SLC25A26: variants seen among roughly 807,000 people sequenced by gnomAD.
SLC25A26 encodes the protein mitochondrial S-adenosylmethionine carrier protein.
Under a neutral mutation model 37.8 loss-of-function variants are expected in SLC25A26, and 36 were observed. The ratio of observed to expected loss-of-function variants is 0.95; its 90% CI spans 0.73 to 1.26. SLC25A26 has a LOEUF of 1.26. Ranked by LOEUF, SLC25A26 falls within the 50% of genes most tolerant of loss-of-function variation. The pLI, the probability that SLC25A26 is intolerant of heterozygous loss-of-function variation, is 0.00. For synonymous variants in SLC25A26, 129 were observed against 122.5 expected, an observed-to-expected ratio of 1.05 and a Z score of -0.35; for missense variants, 390 against 331.1, an observed-to-expected ratio of 1.18 and a Z score of -1.38.
chr3:66,261,589 G>C (rs1390898041), intron 3 of SLC25A26: 1 of 160,502 alleles, frequency 6.2e-6, no homozygotes, highest in Non-Finnish European at 1.3e-5. Context: ...AGGTCTAGGG[G>C]CTGGAGTTGG....
intron 5 of SLC25A26, among the ~76,000 whole-genome samples, chr3:66,322,486 T>TA (rs778965932): frequency 6.6e-6 from 1 of 152,352 alleles, no homozygotes; most frequent in Non-Finnish European, 1.5e-5. Flanking sequence ...CAACCACAGA[T>TA]ACACTTTTTA....
At chr3:66,375,123 C>T (rs2107869968) in intron 9 of SLC25A26, among the ~76,000 whole-genome samples, 1 of 152,304 alleles carries the variant, frequency 6.6e-6, no homozygotes, top group East Asian at 1.9e-4. Flanking sequence ...TCAGACCGGC[C>T]ACAACATCCC....
chr3:66,359,369 G>A (rs1437376877), intron 6 of SLC25A26, among the ~76,000 whole-genome samples: 1 of 152,198 alleles, frequency 6.6e-6, no homozygotes, highest in African/African-American at 2.4e-5. Context: ...CTGACACCTA[G>A]TAAGTAGTTG....
At chr3:66,212,282 AT>A (rs1257688673) in intron 1 of SLC25A26, among the ~76,000 whole-genome samples, 313 of 147,034 alleles carry the variant, frequency 2.1e-3, no homozygotes, top group African/African-American at 4.8e-3. Flanking sequence ...TGGTTAATAA[AT>A]TTTTTTTTTT....
intron 5 of SLC25A26, among the ~76,000 whole-genome samples, chr3:66,322,107 C>G (rs1292464999): frequency 2.6e-5 from 4 of 152,018 alleles, no homozygotes; most frequent in Non-Finnish European, 4.4e-5. Flanking sequence ...CAAATCATAG[C>G]AAATTTGCTT....
At chr3:66,158,868 C>G (rs553954356) in intron 1 of SLC25A26, among the ~76,000 whole-genome samples, 3 of 152,054 alleles carry the variant, frequency 2.0e-5, no homozygotes, top group Non-Finnish European at 4.4e-5. Context: ...GTTCCTGAAG[C>G]CTGCTAAGAG....
intron 1 of SLC25A26, among the ~76,000 whole-genome samples, chr3:66,225,945 A>G (rs2071726021): frequency 6.6e-6 from 1 of 152,190 alleles, no homozygotes; most frequent in African/African-American, 2.4e-5. Context: ...GGTCAAAGCC[A>G]TTCAACAAGT....
chr3:66,274,438 G>T (rs1478418754), intron 5 of SLC25A26, among the ~76,000 whole-genome samples: 1 of 151,964 alleles, frequency 6.6e-6, no homozygotes, highest in Admixed American at 6.6e-5. Context: ...CACAGCAAAA[G>T]AAACTACCAT....
At chr3:66,142,790 G>T (rs2106670571) in intron 1 of SLC25A26, among the ~76,000 whole-genome samples, 1 of 151,998 alleles carries the variant, frequency 6.6e-6, no homozygotes, top group East Asian at 1.9e-4. Flanking sequence ...TTGAGACAGG[G>T]TCTGCCTCTG....
chr3:66,368,467 G>A (rs1419812257), intron 7 of SLC25A26, among the ~76,000 whole-genome samples: 1 of 152,174 alleles, frequency 6.6e-6, no homozygotes, highest in Non-Finnish European at 1.5e-5. Flanking sequence ...TGAGAGAGAA[G>A]GTTAGGAAGG....
rs967988896 is a variant in SLC25A26, at chr3:66,270,302, G to GA, written c.453+6931dup. ...TCATCTTAGCACTTCTACTGAAAAG[G>GA]AAAAAAAATGATTCAAAATCTTTCC... On this transcript the variant is annotated intron_variant, in intron 5 of 9. Coordinates refer to ENST00000354883, the MANE Select transcript of SLC25A26 (RefSeq NM_001379210.1). Among the ~76,000 whole-genome samples, 7 of 151,692 alleles carry GA rather than the reference G, an allele frequency of 4.6e-5. No homozygotes were observed. The South Asian group carries it at 1.2e-3, about 27-fold the overall frequency.
upstream of SLC25A26, among the ~76,000 whole-genome samples, chr3:66,217,934 A>G (rs2106851106): frequency 6.6e-6 from 1 of 152,316 alleles, no homozygotes; most frequent in East Asian, 1.9e-4. Context: ...TGCGACTACT[A>G]CCACAATAAT....
chr3:66,371,759 G>T (rs1316563991), intron 9 of SLC25A26, among the ~76,000 whole-genome samples: 1 of 152,216 alleles, frequency 6.6e-6, no homozygotes, highest in East Asian at 1.9e-4. Context: ...AAGGAATGGG[G>T]TGAGAAAAAA....
chr3:66,235,361 T>G (rs1392839745), intron 1 of SLC25A26, among the ~76,000 whole-genome samples: 1 of 152,202 alleles, frequency 6.6e-6, no homozygotes, highest in East Asian at 1.9e-4. Context: ...TTAGCAGAAA[T>G]TAATCAGTTT....
intron 5 of SLC25A26, among the ~76,000 whole-genome samples, chr3:66,346,112 G>A (rs778680047): frequency 1.3e-5 from 2 of 152,172 alleles, no homozygotes; most frequent in Non-Finnish European, 2.9e-5. Context: ...GGAAAATCTC[G>A]TGAGCCTGGG....
chr3:66,343,210 T>C (rs1427886641), intron 5 of SLC25A26, among the ~76,000 whole-genome samples: 1 of 152,246 alleles, frequency 6.6e-6, no homozygotes, highest in Non-Finnish European at 1.5e-5. Flanking sequence ...CTGTATTTGC[T>C]GGCAGCCCAT....
chr3:66,297,772 T>G (rs2074951596), intron 5 of SLC25A26, among the ~76,000 whole-genome samples: 2 of 152,218 alleles, frequency 1.3e-5, no homozygotes, highest in Non-Finnish European at 2.9e-5. Context: ...GTATGGACCA[T>G]AAAGCCTAAG....
intron 6 of SLC25A26, among the ~76,000 whole-genome samples, chr3:66,350,552 C>A (rs2076426636): frequency 6.6e-6 from 1 of 152,194 alleles, no homozygotes; most frequent in African/African-American, 2.4e-5. Context: ...TGTGTCTGAT[C>A]TTCCTTAAAC....
At chr3:66,351,682 G>A (rs77017807) in intron 6 of SLC25A26, among the ~76,000 whole-genome samples, 1,601 of 152,184 alleles carry the variant, frequency 0.011, 12 homozygotes, top group Non-Finnish European at 0.016. Flanking sequence ...GTTTTTATTT[G>A]TCTTCTTCCC....
Sources: gnomAD v4.1 joint callset for allele counts (sites outside exome capture counted in the v4.1 genomes callset) on GRCh38, gnomAD v4.1.1 for gene constraint, MANE v1.5 for transcripts, NCBI Gene and HGNC (gene_info 2026-07-23, HGNC 2026-07-21) for gene names.